CRPPA: variants seen among roughly 807,000 people sequenced by gnomAD.
CRPPA encodes CDP-L-ribitol pyrophosphorylase A, also known as D-ribitol-5-phosphate cytidylyltransferase.
In CRPPA, 43 loss-of-function variants were observed where a neutral mutation model predicts 52.0. The ratio of observed to expected loss-of-function variants is 0.83; its 90% CI spans 0.65 to 1.07. The LOEUF is 1.07. CRPPA is among the 50% of genes least tolerant of loss of function. The pLI is 0.00. For missense variants in CRPPA, 629 were observed against 551.7 expected, an observed-to-expected ratio of 1.14 and a Z score of -1.40; for synonymous variants, 250 against 203.5, an observed-to-expected ratio of 1.23 and a Z score of -1.94.
rs138879178 is a variant in CRPPA at position 16,185,403 on chromosome 7, T to C, written c.1251+30663A>G. Among the ~76,000 whole-genome samples, 186 of 152,222 alleles carry C rather than the reference T, an allele frequency of 1.2e-3. 2 individuals are homozygous for C. Among genetic ancestry groups the C allele is most frequent in the African/African-American group, 4.2e-3 (174 of 41,542 alleles). ...TGGGAGCTACAATTCAAGATGAGAT[T>C]TGGGTGGGGGACACAGCCAAACCAT... On this transcript the variant is annotated intron_variant, in intron 9 of 9. Transcript: ENST00000407010.
chr7:16,222,799 A>G (rs1782554704), intron 8 of CRPPA, among the ~76,000 whole-genome samples: 1 of 152,114 alleles, frequency 6.6e-6, no homozygotes, highest in Non-Finnish European at 1.5e-5. Flanking sequence ...TTTTTAAAAC[A>G]TTTTAAAAAT....
At chr7:16,274,206 C>T (rs375086575) in intron 6 of CRPPA, among the ~76,000 whole-genome samples, 7 of 152,034 alleles carry the variant, frequency 4.6e-5, no homozygotes, top group Admixed American at 3.3e-4. Flanking sequence ...CCCACCACCA[C>T]GCCCAGCTAA....
In CRPPA at chr7:16,258,983, A is replaced by G. The variant is rs1443203602; in HGVS notation, c.963T>C (p.Gly321=). 6.2e-7 allele frequency: 1 copy of G among 1,611,040 alleles called. No individual in the cohort carries two copies. Among genetic ancestry groups the G allele is most frequent in the Admixed American group, 1.7e-5 (1 of 59,616 alleles). Reference sequence around the variant, plus strand: ...TTTGCTGAAGATGTCTGCCAGCATGACCCAGAGCCTCAGATGTGACTTTTA... The same window carrying G: ...TTTGCTGAAGATGTCTGCCAGCATGGCCCAGAGCCTCAGATGTGACTTTTA... ...NHVKVTSEAL[G]HAGRHLQQII... is the part of the protein sequence containing the mutation. Residue 321 remains glycine (G), a synonymous_variant, in exon 7 of 10, where the codon GGT becomes GGC. Coordinates refer to ENST00000407010, the MANE Select transcript of CRPPA (RefSeq NM_001101426.4).
rs979393180 is a variant in CRPPA, at chr7:16,259,096, A to G, written c.934-84T>C. The G allele has an allele frequency of 2.6e-5, 23 of 898,092 alleles. No homozygotes were observed. The African/African-American group carries it at 3.7e-4, about 14-fold the overall frequency. The allele number at this position is 898,092 out of a possible 1,614,324, so 55.6% of individuals were successfully genotyped here. A position where few individuals can be genotyped will look rare whatever the true frequency, so the allele number is the denominator to read the frequency against. ...TGTTACAAAGGAACACATAATTGCTAGAAGGCCCATAAAGCCAAGGACCAT... is the reference window on the plus strand; with the variant it reads ...TGTTACAAAGGAACACATAATTGCTGGAAGGCCCATAAAGCCAAGGACCAT... On this transcript the variant is annotated intron_variant, in intron 6 of 9. Coordinates refer to ENST00000407010, the MANE Select transcript of CRPPA (RefSeq NM_001101426.4).
chr7:16,358,697 T>G (rs113606680), intron 3 of CRPPA, among the ~76,000 whole-genome samples: 167 of 152,306 alleles, frequency 1.1e-3, no homozygotes, highest in African/African-American at 3.8e-3. Flanking sequence ...TTGAGGCAAA[T>G]GTACAGGTAT....
chr7:16,311,525 A>G (rs1265864839), intron 3 of CRPPA, among the ~76,000 whole-genome samples: 1 of 152,060 alleles, frequency 6.6e-6, no homozygotes, highest in Non-Finnish European at 1.5e-5. Flanking sequence ...TTTAGGAGTG[A>G]ATAATATTTC....
intron 9 of CRPPA, among the ~76,000 whole-genome samples, chr7:16,178,293 T>C (rs1320417986): frequency 6.6e-6 from 1 of 152,118 alleles, no homozygotes; most frequent in East Asian, 1.9e-4. Context: ...CTGTGATTCA[T>C]CTGCTGGCAT....
intron 3 of CRPPA, among the ~76,000 whole-genome samples, chr7:16,347,696 A>C (rs1419088406): frequency 6.6e-6 from 1 of 152,086 alleles, no homozygotes; most frequent in East Asian, 1.9e-4. Context: ...AACTGAGAAA[A>C]CATCCACACT....
At chr7:16,187,062 T>C (rs1781519419) in intron 9 of CRPPA, among the ~76,000 whole-genome samples, 1 of 152,184 alleles carries the variant, frequency 6.6e-6, no homozygotes. Flanking sequence ...AATAATTTTA[T>C]TTTTATTAAA....
intron 3 of CRPPA, among the ~76,000 whole-genome samples, chr7:16,309,065 T>C (rs535315084): frequency 6.6e-6 from 1 of 152,338 alleles, no homozygotes; most frequent in East Asian, 1.9e-4. Context: ...TTGCAGGTCA[T>C]AGTTCTCTTG....
intron 3 of CRPPA, among the ~76,000 whole-genome samples, chr7:16,319,396 C>T (rs553742825): frequency 1.3e-5 from 2 of 152,262 alleles, no homozygotes; most frequent in Admixed American, 6.5e-5. Flanking sequence ...GAACTCCCTA[C>T]ATCACCGTCT....
At chr7:16,125,815 T>C (rs928726153) in intron 9 of CRPPA, among the ~76,000 whole-genome samples, 31 of 151,720 alleles carry the variant, frequency 2.0e-4, no homozygotes, top group Admixed American at 2.0e-3. Context: ...TCAGGACACA[T>C]GCCTTTGTCA....
At chr7:16,199,630 T>C (rs1300658941) in intron 9 of CRPPA, among the ~76,000 whole-genome samples, 2 of 150,614 alleles carry the variant, frequency 1.3e-5, no homozygotes, top group Non-Finnish European at 3.0e-5. Context: ...AATCTGCATG[T>C]TTCCTGTGCA....
intron 3 of CRPPA, among the ~76,000 whole-genome samples, chr7:16,359,832 C>A (rs1280077292): frequency 6.6e-6 from 1 of 152,136 alleles, no homozygotes; most frequent in African/African-American, 2.4e-5. Context: ...AAGGCACAAA[C>A]AGTAATTTTG....
Position 16,261,127 on chromosome 7 carries a change from C to T in CRPPA, c.934-2115G>A, listed in dbSNP as rs10247833. 6.9e-3 allele frequency among the ~76,000 whole-genome samples: 1,052 copies of T among 152,030 alleles called. 11 individuals are homozygous for T. The highest frequency in any genetic ancestry group is 0.024 in the African/African-American group (1,004 of 41,506). On this transcript the variant is annotated intron_variant, in intron 6 of 9. Transcript: ENST00000407010. ...AAAGACAAATGAAGTATTAAAAGTA[C>T]GAATGTTGCATTACAATAGAATAAT...
At chr7:16,412,847 C>T (rs926985080) in intron 1 of CRPPA, among the ~76,000 whole-genome samples, 1 of 152,152 alleles carries the variant, frequency 6.6e-6, no homozygotes, top group African/African-American at 2.4e-5. Context: ...CTCTATTACA[C>T]CTACAGACAT....
At chr7:16,266,843 C>G (rs891046865) in intron 6 of CRPPA, among the ~76,000 whole-genome samples, 1 of 152,078 alleles carries the variant, frequency 6.6e-6, no homozygotes, top group Non-Finnish European at 1.5e-5. Context: ...AAAATACCAC[C>G]CTGCTTTTCT....
At chr7:16,126,021 TA>T (rs1208479546) in intron 9 of CRPPA, among the ~76,000 whole-genome samples, 1 of 149,590 alleles carries the variant, frequency 6.7e-6, no homozygotes, top group Non-Finnish European at 1.5e-5. Context: ...TAGAAAAAAA[TA>T]AAATTAGACT....
intron 9 of CRPPA, among the ~76,000 whole-genome samples, chr7:16,212,308 T>C (rs1782170432): frequency 6.6e-6 from 1 of 152,186 alleles, no homozygotes; most frequent in African/African-American, 2.4e-5. Context: ...AAAAGTTCTA[T>C]TTCCCACTAT....
Sources: gnomAD v4.1 joint callset for allele counts (sites outside exome capture counted in the v4.1 genomes callset) on GRCh38, gnomAD v4.1.1 for gene constraint, MANE v1.5 for transcripts, NCBI Gene and HGNC (gene_info 2026-07-23, HGNC 2026-07-21) for gene names.